Variants in FRMD4B observed in about 807,000 individuals in gnomAD.
FRMD4B encodes FERM domain containing 4B, also known as FERM domain-containing protein 4B.
In FRMD4B, 74 loss-of-function variants were observed where a neutral mutation model predicts 141.5. The observed-to-expected ratio is 0.52, with a 90% CI of 0.43 to 0.63. The LOEUF is 0.63. FRMD4B is among the 30% of genes least tolerant of loss of function. The probability of loss-of-function intolerance (pLI) is 0.00; values close to 1 mark genes in which losing one functional copy is unlikely to be tolerated. For synonymous variants in FRMD4B, 506 were observed against 467.9 expected, an observed-to-expected ratio of 1.08 and a Z score of -1.05; for missense variants, 1,366 against 1,253.4, an observed-to-expected ratio of 1.09 and a Z score of -1.36.
At chr3:69,205,895 T>C (rs1256980769) in intron 11 of FRMD4B, among the ~76,000 whole-genome samples, 3 of 152,232 alleles carry the variant, frequency 2.0e-5, no homozygotes, top group Non-Finnish European at 4.4e-5. Flanking sequence ...CAACTATGCC[T>C]GTTCACATTG....
At chr3:69,378,365 A>T (rs1452213342) in intron 1 of FRMD4B, among the ~76,000 whole-genome samples, 2 of 152,222 alleles carry the variant, frequency 1.3e-5, no homozygotes, top group Admixed American at 6.5e-5. Flanking sequence ...TGCTAGGACC[A>T]GACTCTGAAG....
At chr3:69,436,867 T>C (rs1282328398) in intron 1 of FRMD4B, among the ~76,000 whole-genome samples, 1 of 152,216 alleles carries the variant, frequency 6.6e-6, no homozygotes, top group African/African-American at 2.4e-5. Context: ...TATTGTATGA[T>C]TCCACTTACA....
At chr3:69,432,071 T>C (rs908335679) in intron 2 of FRMD4B, among the ~76,000 whole-genome samples, 2 of 152,156 alleles carry the variant, frequency 1.3e-5, no homozygotes, top group Admixed American at 6.6e-5. Flanking sequence ...CCCCCTCTTA[T>C]TATATTATAA....
At chr3:69,454,844 G>T (rs535777635) in intron 1 of FRMD4B, among the ~76,000 whole-genome samples, 3 of 152,208 alleles carry the variant, frequency 2.0e-5, no homozygotes, top group Non-Finnish European at 4.4e-5. Flanking sequence ...GGGCACCTCC[G>T]CCCGTGGCCC....
intron 1 of FRMD4B, among the ~76,000 whole-genome samples, chr3:69,341,820 G>C (rs1169549944): frequency 1.3e-5 from 2 of 152,202 alleles, no homozygotes; most frequent in African/African-American, 4.8e-5. Flanking sequence ...AGAGGATATA[G>C]CAAGATGGCC....
At chr3:69,395,110 C>T (rs927982220) in intron 2 of FRMD4B, among the ~76,000 whole-genome samples, 3 of 152,022 alleles carry the variant, frequency 2.0e-5, no homozygotes, top group Middle Eastern at 3.4e-3. Flanking sequence ...TGCAGCAAAC[C>T]GCCATGGCAC....
chr3:69,207,344 A>G (rs1281286101), intron 11 of FRMD4B, among the ~76,000 whole-genome samples: 4 of 151,538 alleles, frequency 2.6e-5, no homozygotes, highest in Non-Finnish European at 5.9e-5. Flanking sequence ...AAGAAAATAA[A>G]TCTTTACTGT....
intron 2 of FRMD4B, among the ~76,000 whole-genome samples, chr3:69,420,177 C>T (rs1704947158): frequency 1.3e-5 from 2 of 151,042 alleles, no homozygotes; most frequent in South Asian, 4.2e-4. Flanking sequence ...GTTTGATCTG[C>T]TGGGGTTGAT....
At chr3:69,455,689 C>G (rs1705591404) in intron 1 of FRMD4B, among the ~76,000 whole-genome samples, 1 of 152,204 alleles carries the variant, frequency 6.6e-6, no homozygotes, top group South Asian at 2.1e-4. Flanking sequence ...ATTTTGGGCA[C>G]AAGGTGACCC....
At chr3:69,204,844 C>G (rs957972971) in intron 11 of FRMD4B, among the ~76,000 whole-genome samples, 3 of 152,082 alleles carry the variant, frequency 2.0e-5, no homozygotes, top group African/African-American at 7.2e-5. Flanking sequence ...CCAACAACCA[C>G]ATGGGGCAGT....
chr3:69,318,425 C>T (rs573169407), intron 1 of FRMD4B, among the ~76,000 whole-genome samples: 10 of 152,232 alleles, frequency 6.6e-5, no homozygotes, highest in South Asian at 6.2e-4. Context: ...AGGCGCCCAT[C>T]GATGACAATA....
chr3:69,478,667 A>G (rs1343522762), intron 1 of FRMD4B, among the ~76,000 whole-genome samples: 3 of 152,186 alleles, frequency 2.0e-5, no homozygotes, highest in Non-Finnish European at 4.4e-5. Context: ...GGTGCTGAAA[A>G]AAGTGTATAT....
chr3:69,437,950 CTAATA>C lies in FRMD4B; in HGVS notation c.-128-5194_-128-5190del, dbSNP rs963938623. On this transcript the variant is annotated intron_variant, in intron 1 of 5. Transcript: ENST00000459638. ...TATTATATATACTATATAACATATA[CTAATA>C]TAATACTACATAAATATATACTATT... is the stretch of plus-strand genomic sequence containing the variant. Among the ~76,000 whole-genome samples, 3 of 121,002 alleles carry C rather than the reference CTAATA, an allele frequency of 2.5e-5. No individual in the cohort carries two copies. In the Admixed American group the frequency reaches 2.9e-4, roughly 12 times the overall value. 79.4% of individuals were successfully genotyped at this position (121,002 alleles called of 152,430 possible). A position where few individuals can be genotyped will look rare whatever the true frequency, so the allele number is the denominator to read the frequency against.
rs554508315 is a variant in FRMD4B at position 69,294,438 on chromosome 3, T to C, written c.417-6602A>G. ...AGATATTATGCAGTGCTTATGGGAG[T>C]CCAATATGTTCCCTTTCATCTGTGG... On this transcript the variant is annotated intron_variant, in intron 4 of 22. Transcript: ENST00000398540. Among the ~76,000 whole-genome samples the C allele has an allele frequency of 3.9e-5, 6 of 152,244 alleles. No homozygotes were observed. In the East Asian group the frequency reaches 9.7e-4, roughly 24 times the overall value.
chr3:69,261,539 T>G (rs1198696320), intron 5 of FRMD4B, among the ~76,000 whole-genome samples: 2 of 152,234 alleles, frequency 1.3e-5, no homozygotes, highest in African/African-American at 4.8e-5. Flanking sequence ...TGTAGTTCTT[T>G]GCAATGTCCG....
Position 69,176,657 on chromosome 3 carries a change from C to T in FRMD4B, c.2852-1G>A. The T allele has an allele frequency of 1.3e-6, 2 of 1,593,134 alleles. No homozygotes were observed. Among genetic ancestry groups the T allele is most frequent in the Non-Finnish European group, 1.7e-6 (2 of 1,163,882 alleles). The stretch of plus-strand genomic sequence containing the variant: ...TTCCCAGAAGCATTTGTAGAAGACA[C>T]TGGAAATAAAAATGGAAAAAGATAA... On this transcript the variant is annotated splice_acceptor_variant, in intron 21 of 22. Transcript: ENST00000398540. LOFTEE classifies it high-confidence loss of function.
chr3:69,251,383 G>GTAGTT (rs1337788797), intron 5 of FRMD4B, among the ~76,000 whole-genome samples: 1 of 152,140 alleles, frequency 6.6e-6, no homozygotes, highest in Non-Finnish European at 1.5e-5. Flanking sequence ...AGGTAGTTAG[G>GTAGTT]CTCAGTGAGG....
intron 1 of FRMD4B, among the ~76,000 whole-genome samples, chr3:69,452,421 C>T (rs1705517174): frequency 6.6e-6 from 1 of 152,222 alleles, no homozygotes; most frequent in African/African-American, 2.4e-5. Context: ...TGACCTTGAG[C>T]AAGTCATTTA....
At chr3:69,517,873 A>G (rs1288901112) in intron 1 of FRMD4B, among the ~76,000 whole-genome samples, 3 of 152,104 alleles carry the variant, frequency 2.0e-5, no homozygotes, top group African/African-American at 7.2e-5. Context: ...TCGTTTTCAT[A>G]CTTAAGTGTC....
Sources: gnomAD v4.1 joint callset for allele counts (sites outside exome capture counted in the v4.1 genomes callset) on GRCh38, gnomAD v4.1.1 for gene constraint, MANE v1.5 for transcripts, NCBI Gene and HGNC (gene_info 2026-07-23, HGNC 2026-07-21) for gene names.